Variants in ZC2HC1B observed in about 807,000 individuals in gnomAD.
ZC2HC1B encodes zinc finger C2HC domain-containing protein 1B.
A neutral mutation model predicts 31.0 loss-of-function variants in ZC2HC1B; 36 were observed. The ratio of observed to expected loss-of-function variants is 1.16; its 90% confidence interval spans 0.89 to 1.54. The LOEUF (loss-of-function observed/expected upper bound fraction) is 1.54. Among genes scored for constraint, ZC2HC1B ranks in the 40% most tolerant of loss-of-function variants. The pLI is 0.00. For missense variants in ZC2HC1B, 260 were observed against 268.6 expected, an observed-to-expected ratio of 0.97 and a Z score of 0.22; for synonymous variants, 73 against 88.0, an observed-to-expected ratio of 0.83 and a Z score of 0.95.
At position 143,884,160 on chromosome 6, in the gene ZC2HC1B, G is replaced by A; in HGVS notation, c.29-144G>A. The A allele has an allele frequency of 1.6e-6, 1 of 612,490 alleles. No individual in the cohort carries two copies. The highest frequency in any genetic ancestry group is 3.1e-5 in the South Asian group (1 of 32,424). 37.9% of individuals were successfully genotyped at this position (612,490 alleles called of 1,614,324 possible). On this transcript the variant is annotated intron_variant, in intron 1 of 7. Transcript: ENST00000237275. This position sits in a 1 kb window ranked among gnomAD's most constrained non-coding sequence, Gnocchi z 5.1. The stretch of plus-strand genomic sequence containing the variant: ...CACAGGTGAGTTTAGTTTACACAGG[G>A]TCTTCCCAAAGGGAAGAAGCAGTTG...
intron 5 of ZC2HC1B, 57 bp downstream of exon 5, chr6:143,898,748 C>T (rs903692033): frequency 2.1e-5 from 32 of 1,541,036 alleles, no homozygotes; most frequent in African/African-American, 4.1e-5. Flanking sequence ...AGGGGTGAGC[C>T]GGTAGAACTC....
rs908359539 is a variant in ZC2HC1B, at chr6:143,911,751, G to A, written c.598+8599G>A. On this transcript the variant is annotated intron_variant, in intron 6 of 7. Coordinates refer to ENST00000237275, the MANE Select transcript of ZC2HC1B (RefSeq NM_001013623.3). This position sits in a 1 kb window ranked among gnomAD's most constrained non-coding sequence, Gnocchi z 4.5. The stretch of plus-strand genomic sequence containing the variant: ...GAATCTGATTATTATGTGTCTTGGG[G>A]ATGATCTTCTCAGGGAGTATTTTAC... Among the ~76,000 whole-genome samples the A allele has an allele frequency of 7.2e-5, 11 of 152,058 alleles. No homozygotes were observed. The highest frequency in any genetic ancestry group is 2.7e-4 in the African/African-American group (11 of 41,394).
Position 143,933,159 on chromosome 6 carries a change from G to T in ZC2HC1B, c.599-4490G>T, listed in dbSNP as rs2128497979. 6.6e-6 allele frequency among the ~76,000 whole-genome samples: 1 copy of T among 152,320 alleles called. No homozygotes were observed. The highest frequency in any genetic ancestry group is 1.5e-5 in the Non-Finnish European group (1 of 68,024). ...GAAGTTGTCATGTGGACAGACTCGG[G>T]ACCACTGGTTAGCCAGGATGTTTCA... On this transcript the variant is annotated intron_variant, in intron 6 of 7. Coordinates refer to ENST00000237275, the MANE Select transcript of ZC2HC1B (RefSeq NM_001013623.3). This position sits in a 1 kb window ranked among gnomAD's most constrained non-coding sequence, Gnocchi z 6.4.
chr6:143,899,713 T>C lies in ZC2HC1B; in HGVS notation c.489+1022T>C, dbSNP rs1777712571. On this transcript the variant is annotated intron_variant, in intron 5 of 7. Transcript: ENST00000237275. This position sits in a 1 kb window ranked among gnomAD's most constrained non-coding sequence, Gnocchi z 5.0. ...TTAGAAAGCTTCTGGTTAAATCCAG[T>C]ATGTAATGGGGTGGGACCGTTTCCA... 6.6e-6 allele frequency among the ~76,000 whole-genome samples: 1 copy of C among 152,152 alleles called. No homozygotes were observed. Among genetic ancestry groups the C allele is most frequent in the South Asian group, 2.1e-4 (1 of 4,830 alleles).
In ZC2HC1B at chr6:143,933,097, T is replaced by C. The variant is rs1310585630; in HGVS notation, c.599-4552T>C. On this transcript the variant is annotated intron_variant, in intron 6 of 7. Transcript: ENST00000237275. The surrounding 1 kb of genome is among the most constrained non-coding windows in gnomAD (Gnocchi z 6.4). ...AGTCCTTGGTTGTAAATATGTTTAC[T>C]GTGTTGTCTTTCTTGAATGCTGGTT... 6.6e-6 allele frequency among the ~76,000 whole-genome samples: 1 copy of C among 152,218 alleles called. No individual in the cohort carries two copies. Among genetic ancestry groups the C allele is most frequent in the Non-Finnish European group, 1.5e-5 (1 of 68,038 alleles).
chr6:143,886,025 T>G lies in ZC2HC1B; in HGVS notation c.91-7T>G. 6.6e-7 allele frequency: 1 copy of G among 1,518,874 alleles called. No individual in the cohort carries two copies. The highest frequency in any genetic ancestry group is 8.8e-7 in the Non-Finnish European group (1 of 1,135,954). The allele number at this position is 1,518,874 out of a possible 1,614,324, so 94.1% of individuals were successfully genotyped here. ...AGAAATTCCAATCCCTACTCTTCGTTTTCTAGGAAAGGCATGGACCAATAT... is the reference window on the plus strand; with the variant it reads ...AGAAATTCCAATCCCTACTCTTCGTGTTCTAGGAAAGGCATGGACCAATAT... On this transcript the variant is annotated splice_polypyrimidine_tract_variant and splice_region_variant and intron_variant, in intron 2 of 7. Coordinates refer to ENST00000237275, the MANE Select transcript of ZC2HC1B (RefSeq NM_001013623.3). The surrounding 1 kb of genome is among the most constrained non-coding windows in gnomAD (Gnocchi z 4.2).
intron 6 of ZC2HC1B, among the ~76,000 whole-genome samples, chr6:143,916,526 C>T (rs1256325957): frequency 6.6e-6 from 1 of 152,218 alleles, no homozygotes; most frequent in Non-Finnish European, 1.5e-5. Context: ...GTGCACTGTG[C>T]ACCTGGAAAA....
In ZC2HC1B at chr6:143,894,706, G is replaced by A. The variant is rs574437616; in HGVS notation, c.350-3846G>A. ...TTTTAGTAATAATGTAAGTACTTTG[G>A]CAACAAGTTTCATATAACAAAAAAC... On this transcript the variant is annotated intron_variant, in intron 4 of 7. Transcript: ENST00000237275. Among the ~76,000 whole-genome samples, 69 of 152,210 alleles carry A rather than the reference G, an allele frequency of 4.5e-4. 1 individual carries two copies. Among genetic ancestry groups the A allele is most frequent in the African/African-American group, 1.6e-3 (68 of 41,518 alleles).
At chr6:143,925,159 T>C (rs1349493653) in intron 6 of ZC2HC1B, among the ~76,000 whole-genome samples, 2 of 145,360 alleles carry the variant, frequency 1.4e-5, no homozygotes, top group Non-Finnish European at 3.0e-5. Flanking sequence ...TGATTCAATC[T>C]CATTCCTTTT....
chr6:143,928,021 A>G (rs991840975), intron 6 of ZC2HC1B, among the ~76,000 whole-genome samples: 4 of 152,180 alleles, frequency 2.6e-5, no homozygotes, highest in African/African-American at 4.8e-5. Context: ...GATTCCAGAT[A>G]TTAGTCCCTT....
chr6:143,887,719 A>T lies in ZC2HC1B; in HGVS notation c.349+898A>T, dbSNP rs1035542741. Among the ~76,000 whole-genome samples, 1 of 152,010 alleles carries T rather than the reference A, an allele frequency of 6.6e-6. No individual in the cohort carries two copies. The highest frequency in any genetic ancestry group is 2.4e-5 in the African/African-American group (1 of 41,432). ...GTCATATTGTTAAATTTTTTCCTCT[A>T]TCTCATCTTTATGTAAACTGAAAGT... On this transcript the variant is annotated intron_variant, in intron 4 of 7. Coordinates refer to ENST00000237275, the MANE Select transcript of ZC2HC1B (RefSeq NM_001013623.3). The surrounding 1 kb of genome is among the most constrained non-coding windows in gnomAD (Gnocchi z 5.1).
At chr6:143,929,977 T>C (rs904289201) in intron 6 of ZC2HC1B, among the ~76,000 whole-genome samples, 1 of 152,176 alleles carries the variant, frequency 6.6e-6, no homozygotes, top group Non-Finnish European at 1.5e-5. Context: ...TGAATCTTCT[T>C]TCTTCCTTCC....
At position 143,933,050 on chromosome 6, in the gene ZC2HC1B, G is replaced by A. The variant is rs1413385878; in HGVS notation, c.599-4599G>A. On this transcript the variant is annotated intron_variant, in intron 6 of 7. Coordinates refer to ENST00000237275, the MANE Select transcript of ZC2HC1B (RefSeq NM_001013623.3). This position sits in a 1 kb window ranked among gnomAD's most constrained non-coding sequence, Gnocchi z 6.4. ...CACCTGTTCTGATGGAGGTGGCAGG[G>A]GAGTCAGGTAGACTCTGTGAGAGTC... Among the ~76,000 whole-genome samples, 1 of 152,186 alleles carries A rather than the reference G, an allele frequency of 6.6e-6. No individual in the cohort carries two copies. The highest frequency in any genetic ancestry group is 1.5e-5 in the Non-Finnish European group (1 of 68,026).
At position 143,917,928 on chromosome 6, in the gene ZC2HC1B, C is replaced by T. The variant is rs1270283216; in HGVS notation, c.598+14776C>T. On this transcript the variant is annotated intron_variant, in intron 6 of 7. Coordinates refer to ENST00000237275, the MANE Select transcript of ZC2HC1B (RefSeq NM_001013623.3). The surrounding 1 kb of genome is among the most constrained non-coding windows in gnomAD (Gnocchi z 4.1). ...GTTTTTTAAAATGTGTTAGTCTCTT[C>T]GATCATGTAGAAAACAAAAAAGTGG... Among the ~76,000 whole-genome samples the T allele has an allele frequency of 2.0e-5, 3 of 152,138 alleles. No homozygotes were observed. Among genetic ancestry groups the T allele is most frequent in the South Asian group, 2.1e-4 (1 of 4,832 alleles).
At position 143,875,873 on chromosome 6, in the gene ZC2HC1B, C is replaced by T. The variant is rs1057450308; in HGVS notation, c.29-8431C>T. Reference sequence around the variant, plus strand: ...TGGAAAGGCTGACAGCAGCACGGGTCGGAGAAGGGATGTTGCTACCACTGG... The same window carrying T: ...TGGAAAGGCTGACAGCAGCACGGGTTGGAGAAGGGATGTTGCTACCACTGG... On this transcript the variant is annotated intron_variant, in intron 1 of 7. Coordinates refer to ENST00000237275, the MANE Select transcript of ZC2HC1B (RefSeq NM_001013623.3). Among the ~76,000 whole-genome samples, 6 of 150,626 alleles carry T rather than the reference C, an allele frequency of 4.0e-5. 1 individual carries two copies. The highest frequency in any genetic ancestry group is 2.1e-4 in the South Asian group (1 of 4,658).
intron 6 of ZC2HC1B, among the ~76,000 whole-genome samples, chr6:143,909,139 G>T (rs113308957): frequency 6.6e-6 from 1 of 152,146 alleles, no homozygotes; most frequent in African/African-American, 2.4e-5. Context: ...TAGTGGATAA[G>T]CTTTTTGATG....
At position 143,865,904 on chromosome 6, in the gene ZC2HC1B, C is replaced by T. The variant is rs1165900848; in HGVS notation, c.28+1337C>T. On this transcript the variant is annotated intron_variant, in intron 1 of 7. Coordinates refer to ENST00000237275, the MANE Select transcript of ZC2HC1B (RefSeq NM_001013623.3). The surrounding 1 kb of genome is among the most constrained non-coding windows in gnomAD (Gnocchi z 4.4). ...GATCTCATCTCACTGCAACCTCCAA[C>T]TCCCGGGTTCAGGCGATTCCCCTGC... 6.6e-6 allele frequency among the ~76,000 whole-genome samples: 1 copy of T among 152,208 alleles called. No individual in the cohort carries two copies. Among genetic ancestry groups the T allele is most frequent in the African/African-American group, 2.4e-5 (1 of 41,456 alleles).
intron 6 of ZC2HC1B, among the ~76,000 whole-genome samples, chr6:143,919,217 CTGTGTGTGTGTGTGTGTG>C (rs71024878): frequency 4.7e-4 from 58 of 123,594 alleles, no homozygotes; most frequent in Non-Finnish European, 8.2e-4. Flanking sequence ...TTGCTATTCT[CTGTGTGTGTGTGTGTGTG>C]TGTGTGTGTG....
chr6:143,900,044 CT>C (rs1186682057), intron 5 of ZC2HC1B, among the ~76,000 whole-genome samples: 2 of 152,166 alleles, frequency 1.3e-5, no homozygotes, highest in Non-Finnish European at 2.9e-5. Context: ...AAACATCCAG[CT>C]TGTGGCCTGA....
Sources: gnomAD v4.1 joint callset for allele counts (sites outside exome capture counted in the v4.1 genomes callset) on GRCh38, gnomAD v4.1.1 for gene constraint, Gnocchi (gnomAD v3.1) non-coding constraint, MANE v1.5 for transcripts, NCBI Gene and HGNC (gene_info 2026-07-23, HGNC 2026-07-21) for gene names.